The following CADM2 variants were observed in gnomAD, a reference collection of about 807,000 sequenced individuals.
CADM2 encodes the protein cell adhesion molecule 2.
A neutral mutation model predicts 49.8 loss-of-function variants in CADM2; 12 were observed. The observed-to-expected ratio is 0.24, with a 90% CI of 0.15 to 0.39. CADM2 has a LOEUF of 0.39. Ranked by LOEUF, CADM2 falls within the 10% of genes least tolerant of loss-of-function variation. The pLI is 1.00. For missense variants in CADM2, 378 were observed against 492.3 expected (o/e 0.77, Z 2.20); for synonymous variants, 214 against 175.4 (o/e 1.22, Z -1.74).
intron 1 of CADM2, among the ~76,000 whole-genome samples, chr3:85,691,989 G>C (rs934639183): frequency 5.3e-5 from 8 of 152,108 alleles, no homozygotes; most frequent in South Asian, 4.2e-4. Context: ...GTGGGAGAAG[G>C]GGGGAGGGAT....
intron 1 of CADM2, among the ~76,000 whole-genome samples, chr3:85,130,953 T>G (rs979858526): frequency 2.4e-4 from 36 of 152,052 alleles, no homozygotes; most frequent in Non-Finnish European, 2.2e-4. Context: ...GAGGCCAAGG[T>G]GGGTGGATCA....
intron 1 of CADM2, among the ~76,000 whole-genome samples, chr3:84,995,850 G>A (rs1408783253): frequency 6.6e-6 from 1 of 152,104 alleles, no homozygotes; most frequent in Non-Finnish European, 1.5e-5. Context: ...CTTCTGTAGT[G>A]GTTGGTCAAA....
intron 1 of CADM2, among the ~76,000 whole-genome samples, chr3:85,705,563 A>G (rs963357213): frequency 1.3e-5 from 2 of 152,220 alleles, no homozygotes; most frequent in African/African-American, 4.8e-5. Context: ...ATTCCTGCAA[A>G]TCTATTGTTT....
chr3:85,555,444 T>G (rs2061934512), intron 1 of CADM2, among the ~76,000 whole-genome samples: 1 of 152,164 alleles, frequency 6.6e-6, no homozygotes, highest in African/African-American at 2.4e-5. Flanking sequence ...GAAAAGAAGC[T>G]GGGTATATAA....
chr3:85,621,599 G>C (rs942714060), intron 1 of CADM2, among the ~76,000 whole-genome samples: 1 of 152,094 alleles, frequency 6.6e-6, no homozygotes, highest in Non-Finnish European at 1.5e-5. Context: ...TTTTTTAACA[G>C]TGAAAACCAG....
intron 6 of CADM2, among the ~76,000 whole-genome samples, chr3:85,917,580 A>G (rs1416206440): frequency 6.6e-6 from 1 of 152,106 alleles, no homozygotes; most frequent in Admixed American, 6.6e-5. Flanking sequence ...GCCTTGTAGT[A>G]TAGTTTGAAG....
At chr3:85,294,495 CA>C (rs1194174897) in intron 1 of CADM2, among the ~76,000 whole-genome samples, 1 of 151,920 alleles carries the variant, frequency 6.6e-6, no homozygotes, top group Non-Finnish European at 1.5e-5. Flanking sequence ...AATCCTAAGC[CA>C]AAAGAACAAA....
At chr3:85,819,171 GGAA>G (rs2073399890) in intron 3 of CADM2, among the ~76,000 whole-genome samples, 1 of 152,166 alleles carries the variant, frequency 6.6e-6, no homozygotes, top group African/African-American at 2.4e-5. Context: ...ATTCCGCATG[GGAA>G]GAAGATGAAA....
intron 8 of CADM2, chr3:85,979,237 C>T: frequency 6.2e-7 from 1 of 1,610,912 alleles, no homozygotes. Flanking sequence ...CCACTGTAGC[C>T]ATAACAACCA....
rs2036636054 is a variant in CADM2, at chr3:85,430,985, A to G, written c.62-295537A>G. On this transcript the variant is annotated intron_variant, in intron 1 of 9. Coordinates refer to ENST00000383699, the MANE Select transcript of CADM2 (RefSeq NM_001167675.2). ...TAACAAGAAGATTATGTTGCTTAAT[A>G]AAGTTGTGCACCCATAAGCATGTCT... Among the ~76,000 whole-genome samples the G allele has an allele frequency of 2.0e-5, 3 of 152,292 alleles. No homozygotes were observed. In the South Asian group the frequency reaches 6.2e-4, roughly 32 times the overall value.
intron 1 of CADM2, among the ~76,000 whole-genome samples, chr3:85,232,307 A>G (rs1004822056): frequency 2.0e-5 from 3 of 152,098 alleles, no homozygotes; most frequent in Non-Finnish European, 4.4e-5. Context: ...AGCATTTCAG[A>G]GTTATTTCTA....
At chr3:86,022,762 A>G (rs1043687785) in intron 8 of CADM2, among the ~76,000 whole-genome samples, 1 of 152,156 alleles carries the variant, frequency 6.6e-6, no homozygotes, top group African/African-American at 2.4e-5. Flanking sequence ...TAGGTTATTC[A>G]ATAATAATAT....
chr3:86,029,479 A>G (rs1734300550), intron 8 of CADM2, among the ~76,000 whole-genome samples: 1 of 150,332 alleles, frequency 6.7e-6, no homozygotes, highest in Non-Finnish European at 1.5e-5. Flanking sequence ...GGTGAGAAGT[A>G]GGAGAGAGTT....
chr3:85,513,594 A>G (rs1295783898), intron 1 of CADM2, among the ~76,000 whole-genome samples: 4 of 152,004 alleles, frequency 2.6e-5, no homozygotes, highest in Admixed American at 1.3e-4. Context: ...ATTCTTTATC[A>G]TATTATAAAT....
At chr3:85,237,229 G>A (rs1264512582) in intron 1 of CADM2, among the ~76,000 whole-genome samples, 1 of 151,860 alleles carries the variant, frequency 6.6e-6, no homozygotes, top group Non-Finnish European at 1.5e-5. Flanking sequence ...GGAAATGAAG[G>A]ATTGTTGGAA....
intron 1 of CADM2, among the ~76,000 whole-genome samples, chr3:85,389,968 G>A (rs1291467071): frequency 6.6e-6 from 1 of 152,028 alleles, no homozygotes; most frequent in Non-Finnish European, 1.5e-5. Context: ...TTCTTGTAGA[G>A]TAAAAGAACA....
chr3:86,001,375 C>A (rs185873982), intron 8 of CADM2, among the ~76,000 whole-genome samples: 61 of 152,174 alleles, frequency 4.0e-4, no homozygotes, highest in Admixed American at 8.5e-4. Flanking sequence ...ATACAAAGAG[C>A]AGATAACATA....
intron 1 of CADM2, among the ~76,000 whole-genome samples, chr3:85,012,448 T>C (rs2034044318): frequency 1.3e-5 from 2 of 150,330 alleles, no homozygotes. Context: ...ACTTTTATTT[T>C]TCACAGTGCA....
chr3:85,862,217 C>T (rs1398878655), intron 3 of CADM2, among the ~76,000 whole-genome samples: 1 of 152,112 alleles, frequency 6.6e-6, no homozygotes, highest in African/African-American at 2.4e-5. Flanking sequence ...ATGACACTGA[C>T]CATTTTGGTC....
Sources: gnomAD v4.1 joint callset for allele counts (sites outside exome capture counted in the v4.1 genomes callset) on GRCh38, gnomAD v4.1.1 for gene constraint, MANE v1.5 for transcripts, NCBI Gene and HGNC (gene_info 2026-07-23, HGNC 2026-07-21) for gene names.